Variants in RAD21 observed in about 807,000 individuals in gnomAD.
RAD21 encodes the protein RAD21 cohesin complex component.
A neutral mutation model predicts 71.5 loss-of-function variants in RAD21; 18 were observed. The observed-to-expected ratio is 0.25, with a 90% CI of 0.17 to 0.37. RAD21 has a LOEUF of 0.37. Among genes scored for constraint, RAD21 ranks in the 10% least tolerant of loss-of-function variants. The probability of loss-of-function intolerance (pLI) is 1.00; values close to 1 mark genes in which losing one functional copy is unlikely to be tolerated. For missense variants in RAD21, 493 were observed against 769.1 expected (o/e 0.64, Z 4.25); for synonymous variants, 248 against 254.0 (o/e 0.98, Z 0.22).
chr8:116,851,660 G>A (rs926137567), intron 11 of RAD21: 7 of 257,984 alleles, frequency 2.7e-5, no homozygotes, highest in Non-Finnish European at 4.4e-5. Context: ...GTGCAGGAAT[G>A]TTTGCCAAAT....
At chr8:116,872,424 G>T (rs183800757) in intron 1 of RAD21, among the ~76,000 whole-genome samples, 1 of 152,048 alleles carries the variant, frequency 6.6e-6, no homozygotes, top group South Asian at 2.1e-4. Context: ...TCTTGAATAA[G>T]CTTAAAATAC....
At chr8:116,869,529 G>A (rs113754308) in intron 1 of RAD21, among the ~76,000 whole-genome samples, 4,487 of 152,158 alleles carry the variant, frequency 0.029, 93 homozygotes, top group Middle Eastern at 0.078. Flanking sequence ...AGGTTGCAGC[G>A]AGCTGAGATC....
chr8:116,869,402 T>A (rs1812763327), intron 1 of RAD21, among the ~76,000 whole-genome samples: 1 of 152,168 alleles, frequency 6.6e-6, no homozygotes, highest in East Asian at 1.9e-4. Flanking sequence ...CAGGACAATT[T>A]GGCAAAACCC....
intron 1 of RAD21, among the ~76,000 whole-genome samples, chr8:116,867,785 T>C (rs1377736092): frequency 6.6e-6 from 1 of 152,228 alleles, no homozygotes; most frequent in Non-Finnish European, 1.5e-5. Context: ...GCAGGTCCCA[T>C]GTACTTTTTT....
At chr8:116,858,293 G>T in intron 5 of RAD21, 59 bp downstream of exon 5, 1 of 1,268,200 alleles carries the variant, frequency 7.9e-7, no homozygotes, top group Non-Finnish European at 1.1e-6. Context: ...TTTTGAAATT[G>T]CTATTAGCAA....
At chr8:116,871,938 A>G (rs776918254) in intron 1 of RAD21, among the ~76,000 whole-genome samples, 4 of 152,212 alleles carry the variant, frequency 2.6e-5, no homozygotes, top group Admixed American at 6.5e-5. Flanking sequence ...CATTCGAAAT[A>G]ACCTACTTGG....
intron 5 of RAD21, 144 bp downstream of exon 5, chr8:116,858,208 A>G (rs1334376946): frequency 1.6e-6 from 1 of 635,080 alleles, no homozygotes; most frequent in Non-Finnish European, 2.7e-6. Flanking sequence ...ATCTACTGGT[A>G]GAAAGCCAAA....
At chr8:116,860,202 G>C (rs909142897) in intron 4 of RAD21, among the ~76,000 whole-genome samples, 1 of 152,146 alleles carries the variant, frequency 6.6e-6, no homozygotes, top group Non-Finnish European at 1.5e-5. Flanking sequence ...TTATGGATGA[G>C]CAAAGAAAGT....
intron 13 of RAD21, 82 bp downstream of exon 13, chr8:116,848,864 A>G: frequency 9.2e-7 from 1 of 1,091,820 alleles, no homozygotes; most frequent in Non-Finnish European, 1.3e-6. Context: ...TTCTGTTTCC[A>G]GCATCTAACT....
Position 116,874,707 on chromosome 8 carries a change from T to A in RAD21, c.-129A>T, listed in dbSNP as rs1394832851. The A allele has an allele frequency of 6.8e-6, 3 of 440,948 alleles. No individual in the cohort carries two copies. The Admixed American group carries it at 7.3e-5, about 11-fold the overall frequency. The allele number at this position is 440,948 out of a possible 1,614,324, so 27.3% of individuals were successfully genotyped here. A position where few individuals can be genotyped will look rare whatever the true frequency, so the allele number is the denominator to read the frequency against. ...GAAAGGGGGGAGCCCTTGCGAGGTGTAGCTTCCGAGCAGCTCCCGCCGCCG... is the reference window on the plus strand; with the variant it reads ...GAAAGGGGGGAGCCCTTGCGAGGTGAAGCTTCCGAGCAGCTCCCGCCGCCG... On this transcript the variant is annotated 5_prime_UTR_variant, in exon 1 of 14. Coordinates refer to ENST00000297338, the MANE Select transcript of RAD21 (RefSeq NM_006265.3).
At chr8:116,859,110 A>T (rs1812531280) in intron 4 of RAD21, among the ~76,000 whole-genome samples, 1 of 151,666 alleles carries the variant, frequency 6.6e-6, no homozygotes, top group Non-Finnish European at 1.5e-5. Flanking sequence ...GAAAAAAAAA[A>T]AAAAAAAAGC....
chr8:116,854,138 C>G (rs1490947548), intron 9 of RAD21, 107 bp downstream of exon 9: 1 of 843,964 alleles, frequency 1.2e-6, no homozygotes, highest in Non-Finnish European at 1.8e-6. Flanking sequence ...GAAAATGTGC[C>G]ATACAGTTGC....
At chr8:116,850,154 C>G (rs894019607) in intron 12 of RAD21, among the ~76,000 whole-genome samples, 1 of 152,148 alleles carries the variant, frequency 6.6e-6, no homozygotes, top group Non-Finnish European at 1.5e-5. Context: ...TTCACTCAGT[C>G]TAAGTGTTTT....
intron 1 of RAD21, 104 bp from the exon 2 acceptor site, chr8:116,866,865 T>TA (rs1482613491): frequency 1.5e-6 from 1 of 647,152 alleles, no homozygotes; most frequent in Non-Finnish European, 2.3e-6. Context: ...ATATGAAAAC[T>TA]ATAAAATGCT....
At chr8:116,857,789 T>C (rs1399116564) in intron 5 of RAD21, among the ~76,000 whole-genome samples, 1 of 122,948 alleles carries the variant, frequency 8.1e-6, no homozygotes, top group African/African-American at 2.7e-5. Flanking sequence ...CAGCTGAAAC[T>C]TTCCCGTTAT....
intron 7 of RAD21, 48 bp downstream of exon 7, chr8:116,856,598 T>C (rs547278018): frequency 3.3e-6 from 5 of 1,520,020 alleles, no homozygotes; most frequent in Non-Finnish European, 4.4e-6. Context: ...AGTATCTTTC[T>C]GGATGCCATA....
At position 116,850,710 on chromosome 8, in the gene RAD21, G is replaced by A; in HGVS notation, c.1528C>T (p.Pro510Ser). The change falls in exon 12 of 14, where the codon CCA becomes TCA. Residue 510 changes from proline to serine, a missense_variant. Pro to Ser is a moderately conservative substitution (Grantham distance 74, BLOSUM62 -1). Transcript: ENST00000297338. ...TCTGGTATTAGCTGACAGATATTTG[G>A]AGGTTCTTCTGGGGGAAGCTCTACA... ...PPVELPPEEP[P>S]NICQLIPELE... is the part of the protein sequence containing the mutation. 1 of 1,613,538 alleles carries A rather than the reference G, an allele frequency of 6.2e-7. No individual in the cohort carries two copies. The highest frequency in any genetic ancestry group is 8.5e-7 in the Non-Finnish European group (1 of 1,179,608).
At position 116,854,364 on chromosome 8, in the gene RAD21, C is replaced by T. The variant is rs779990116; in HGVS notation, c.1042G>A (p.Val348Ile). 1.2e-6 allele frequency: 2 copies of T among 1,613,692 alleles called. No individual in the cohort carries two copies. The highest frequency in any genetic ancestry group is 2.7e-5 in the African/African-American group (2 of 74,854). The change falls in exon 9 of 14, where the codon GTT becomes ATT. Residue 348 changes from valine to isoleucine, a missense_variant. Val to Ile is a conservative substitution (Grantham distance 29). This residue lies in a region of RAD21 where 42 missense variants were observed against 117.2 expected (regional missense o/e 0.36). Transcript: ENST00000297338. ...RAQLSDYSDI[V>I]TTLDLAPPTK... ...GGCGGTGCCAGATCCAAAGTAGTAA[C>T]AATATCTGAATAATCACTAAGTTGG...
At position 116,852,022 on chromosome 8, in the gene RAD21, A is replaced by C; in HGVS notation, c.1396T>G (p.Ser466Ala). Reference protein sequence around the residue: ...MEASRTNIDESAMPPPPPQGV... With the variant: ...MEASRTNIDEAAMPPPPPQGV... ...TGAGGTGGTGGTGGAGGCATAGCTG[A>C]CTCATCTATGTTTGTTCTGCTGGCC... The change falls in exon 11 of 14, where the codon TCA (serine) becomes GCA (alanine). Residue 466 changes from serine to alanine, a missense_variant. Ser to Ala is a moderately conservative substitution (Grantham distance 99). This residue lies in a region of RAD21 where 225 missense variants were observed against 218.3 expected (regional missense o/e 1.03). Transcript: ENST00000297338. 1 of 1,612,904 alleles carries C rather than the reference A, an allele frequency of 6.2e-7. No individual in the cohort carries two copies. Among genetic ancestry groups the C allele is most frequent in the Non-Finnish European group, 8.5e-7 (1 of 1,179,180 alleles).
Sources: gnomAD v4.1 joint callset for allele counts (sites outside exome capture counted in the v4.1 genomes callset) on GRCh38, gnomAD v4.1.1 for gene constraint, gnomAD v4.1.1 regional missense constraint, MANE v1.5 for transcripts, NCBI Gene and HGNC (gene_info 2026-07-23, HGNC 2026-07-21) for gene names.